Variants in TANC2 observed in about 807,000 individuals in gnomAD.
TANC2 encodes the protein tetratricopeptide repeat, ankyrin repeat and coiled-coil containing 2.
In TANC2, 26 loss-of-function variants were observed where a neutral mutation model predicts 210.5. That is an observed-to-expected ratio of 0.12 (90% confidence interval 0.09 to 0.17). The LOEUF is 0.17. TANC2 is among the 10% of genes least tolerant of loss of function. TANC2 has a pLI of 1.00. For missense variants in TANC2, 2,129 were observed against 2,608.9 expected, an observed-to-expected ratio of 0.82 and a Z score of 4.01; for synonymous variants, 931 against 967.1, an observed-to-expected ratio of 0.96 and a Z score of 0.69.
At chr17:63,414,478 T>C (rs987674200) in intron 25 of TANC2, among the ~76,000 whole-genome samples, 1 of 152,184 alleles carries the variant, frequency 6.6e-6, no homozygotes, top group Non-Finnish European at 1.5e-5. Context: ...CAACCTTGAT[T>C]TTACGTGACT....
chr17:63,340,029 C>A, intron 11 of TANC2, 72 bp from the exon 12 acceptor site: 2 of 1,113,892 alleles, frequency 1.8e-6, no homozygotes, highest in Non-Finnish European at 2.7e-6. Context: ...TATAATCACT[C>A]AATAGCTGAT....
intron 5 of TANC2, among the ~76,000 whole-genome samples, chr17:63,157,558 A>G (rs1284888445): frequency 1.3e-5 from 2 of 152,176 alleles, no homozygotes; most frequent in South Asian, 2.1e-4. Context: ...CAGTTCTGCT[A>G]CTTACTACTT....
chr17:63,340,313 A>G, exon 12 of TANC2: 1 of 1,613,910 alleles, frequency 6.2e-7, no homozygotes, highest in Non-Finnish European at 8.5e-7. Context: ...TTCTGGAGCC[A>G]CTAGAAAATC....
At chr17:63,158,398 A>T (rs2039911479) in intron 5 of TANC2, among the ~76,000 whole-genome samples, 1 of 152,194 alleles carries the variant, frequency 6.6e-6, no homozygotes, top group African/African-American at 2.4e-5. Flanking sequence ...TTGGAAAAAA[A>T]TGTGTTTCTT....
At chr17:63,388,889 A>G (rs932711171) in intron 16 of TANC2, 132 bp downstream of exon 16, 2 of 653,412 alleles carry the variant, frequency 3.1e-6, no homozygotes, top group Non-Finnish European at 4.6e-6. Context: ...ATAATTTAAT[A>G]TATTTTAAAT....
chr17:63,364,113 C>A (rs2047042042), intron 14 of TANC2, among the ~76,000 whole-genome samples: 1 of 152,164 alleles, frequency 6.6e-6, no homozygotes, highest in Non-Finnish European at 1.5e-5. Flanking sequence ...ATCTGAGACT[C>A]ATATCTGAAG....
At chr17:63,179,547 A>G (rs944634707) in intron 5 of TANC2, among the ~76,000 whole-genome samples, 1 of 152,244 alleles carries the variant, frequency 6.6e-6, no homozygotes, top group African/African-American at 2.4e-5. Flanking sequence ...TACTAATAGT[A>G]CTATCAACAT....
At chr17:63,253,737 C>T (rs942200174) in intron 8 of TANC2, among the ~76,000 whole-genome samples, 2 of 152,170 alleles carry the variant, frequency 1.3e-5, no homozygotes, top group African/African-American at 4.8e-5. Context: ...TCTCCCACCT[C>T]AGACCTCGAG....
At chr17:63,183,059 C>T (rs575339462) in intron 5 of TANC2, among the ~76,000 whole-genome samples, 62 of 130,910 alleles carry the variant, frequency 4.7e-4, no homozygotes, top group African/African-American at 2.1e-3. Flanking sequence ...TTGATGAGGC[C>T]ACATAATAGG....
At chr17:63,105,632 CAA>C in intron 4 of TANC2, among the ~76,000 whole-genome samples, 1 of 151,690 alleles carries the variant, frequency 6.6e-6, no homozygotes, top group East Asian at 1.9e-4. Context: ...TCTAACATAA[CAA>C]ACATTAACAA....
At chr17:63,295,694 G>A (rs1043989323) in intron 9 of TANC2, among the ~76,000 whole-genome samples, 1 of 152,168 alleles carries the variant, frequency 6.6e-6, no homozygotes, top group African/African-American at 2.4e-5. Flanking sequence ...GCCACATTCA[G>A]ATGTAATAAT....
At chr17:63,419,962 A>G in intron 27 of TANC2, 37 bp from the exon 28 acceptor site, 8 of 1,496,632 alleles carry the variant, frequency 5.3e-6, no homozygotes, top group Non-Finnish European at 7.2e-6. Context: ...TGGATTCAGA[A>G]TAACTCCAGT....
At chr17:63,367,465 ATTCTTC>A (rs1014531008) in intron 14 of TANC2, among the ~76,000 whole-genome samples, 1 of 152,164 alleles carries the variant, frequency 6.6e-6, no homozygotes, top group African/African-American at 2.4e-5. Context: ...GCTCAAAACA[ATTCTTC>A]TTCTTCCAGT....
At chr17:63,351,898 A>G (rs2146881128) in intron 13 of TANC2, among the ~76,000 whole-genome samples, 1 of 152,218 alleles carries the variant, frequency 6.6e-6, no homozygotes, top group South Asian at 2.1e-4. Context: ...AAAATTGGCA[A>G]TATTAGGGCT....
chr17:63,337,545 C>T (rs1274441174), intron 11 of TANC2, among the ~76,000 whole-genome samples: 3 of 151,620 alleles, frequency 2.0e-5, no homozygotes, highest in Admixed American at 6.6e-5. Flanking sequence ...ATAGTGCTAC[C>T]CACAATCACT....
At chr17:63,139,047 T>A (rs1334753355) in intron 4 of TANC2, among the ~76,000 whole-genome samples, 3 of 152,304 alleles carry the variant, frequency 2.0e-5, no homozygotes, top group Non-Finnish European at 2.9e-5. Context: ...ATGGCAAAAA[T>A]TTTTTAAGAG....
chr17:63,193,848 T>A, intron 5 of TANC2, 143 bp from the exon 6 acceptor site: 1 of 896,658 alleles, frequency 1.1e-6, no homozygotes, highest in Non-Finnish European at 1.6e-6. Context: ...GAGTGAGTAG[T>A]CCAAGAAAAA....
At chr17:63,164,192 T>G (rs2040128091) in intron 5 of TANC2, among the ~76,000 whole-genome samples, 1 of 147,986 alleles carries the variant, frequency 6.8e-6, no homozygotes, top group Non-Finnish European at 1.5e-5. Context: ...TGGAGTATAG[T>G]GGTGTGATCA....
intron 14 of TANC2, among the ~76,000 whole-genome samples, chr17:63,360,025 G>A (rs186712852): frequency 2.0e-5 from 3 of 152,296 alleles, no homozygotes; most frequent in African/African-American, 7.2e-5. Flanking sequence ...ACAAAGCAGG[G>A]TGTCAGAGAA....
Sources: allele counts gnomAD v4.1 joint callset (sites outside exome capture counted in the v4.1 genomes callset), GRCh38; gene constraint gnomAD v4.1.1; transcripts MANE v1.5; gene names NCBI Gene and HGNC (gene_info 2026-07-23, HGNC 2026-07-21).